CSNK2A2IP: variants seen among roughly 807,000 people sequenced by gnomAD.
CSNK2A2IP encodes casein kinase 2 subunit alpha' interacting protein.
chr3:88,454,107 C>T, the CSNK2A2IP span, among the ~76,000 whole-genome samples: 1 of 151,890 alleles, frequency 6.6e-6, no homozygotes, highest in Non-Finnish European at 1.5e-5. Context: ...TTTGGTCAAC[C>T]TTTTAAATTT....
chr3:88,393,999 C>T, the CSNK2A2IP span, among the ~76,000 whole-genome samples: 3 of 152,062 alleles, frequency 2.0e-5, no homozygotes, highest in Non-Finnish European at 4.4e-5. Context: ...TACATAATTT[C>T]GTGTGGTGTG....
chr3:88,369,512 A>G, the CSNK2A2IP span, among the ~76,000 whole-genome samples: 2 of 152,072 alleles, frequency 1.3e-5, no homozygotes, highest in Admixed American at 6.6e-5. Context: ...GTGGCTTGTT[A>G]TTGCAAAACC....
chr3:88,422,669 C>T, the CSNK2A2IP span, among the ~76,000 whole-genome samples: 1 of 152,262 alleles, frequency 6.6e-6, no homozygotes, highest in South Asian at 2.1e-4. Flanking sequence ...GAAAATTTCT[C>T]AAATAAATAG....
the CSNK2A2IP span, among the ~76,000 whole-genome samples, chr3:88,414,870 T>A: frequency 6.6e-6 from 1 of 151,836 alleles, no homozygotes; most frequent in Non-Finnish European, 1.5e-5. Context: ...GAGCATAGAG[T>A]CTAATGTGGA....
chr3:88,456,829 GC>G, the CSNK2A2IP span, among the ~76,000 whole-genome samples: 1 of 151,760 alleles, frequency 6.6e-6, no homozygotes, highest in African/African-American at 2.4e-5. Flanking sequence ...CTACCTTTAT[GC>G]TAATACTAGA....
the CSNK2A2IP span, among the ~76,000 whole-genome samples, chr3:88,390,218 A>G: frequency 6.6e-6 from 1 of 152,176 alleles, no homozygotes; most frequent in Non-Finnish European, 1.5e-5. Flanking sequence ...ACTTGAATGG[A>G]ATCAAATGAG....
the CSNK2A2IP span, among the ~76,000 whole-genome samples, chr3:88,407,292 C>A: frequency 1.3e-3 from 135 of 102,836 alleles, no homozygotes; most frequent in African/African-American, 1.7e-3. Flanking sequence ...CAGAAAAGTC[C>A]AAAAAAAAAA....
chr3:88,353,703 C>G, the CSNK2A2IP span, among the ~76,000 whole-genome samples: 1 of 152,242 alleles, frequency 6.6e-6, no homozygotes, highest in Non-Finnish European at 1.5e-5. Flanking sequence ...ATTTCAATTA[C>G]ACTCTAATCA....
the CSNK2A2IP span, chr3:88,399,539 T>C: frequency 2.6e-5 from 4 of 152,224 alleles, no homozygotes; most frequent in African/African-American, 9.6e-5. Flanking sequence ...TAAATGTTTA[T>C]TAAGTGCTTA....
the CSNK2A2IP span, among the ~76,000 whole-genome samples, chr3:88,440,725 G>C: frequency 1.4e-4 from 21 of 152,108 alleles, no homozygotes; most frequent in Admixed American, 9.8e-4. Flanking sequence ...GACTTTTGAG[G>C]TGTGTGGTCT....
the CSNK2A2IP span, among the ~76,000 whole-genome samples, chr3:88,353,282 G>A: frequency 6.6e-6 from 1 of 152,150 alleles, no homozygotes; most frequent in Non-Finnish European, 1.5e-5. Context: ...AACTGTGCAA[G>A]TCACAGAGGA....
the CSNK2A2IP span, among the ~76,000 whole-genome samples, chr3:88,410,225 T>C: frequency 6.6e-6 from 1 of 152,066 alleles, no homozygotes; most frequent in African/African-American, 2.4e-5. Context: ...ATAACTTTAA[T>C]CAAATCCCAA....
the CSNK2A2IP span, among the ~76,000 whole-genome samples, chr3:88,405,448 CCTGTAGG>C: frequency 6.6e-6 from 1 of 152,062 alleles, no homozygotes; most frequent in South Asian, 2.1e-4. Flanking sequence ...TGCCTCCTTC[CCTGTAGG>C]ATCACCTCAT....
chr3:88,405,344 A>T, the CSNK2A2IP span, among the ~76,000 whole-genome samples: 4 of 152,166 alleles, frequency 2.6e-5, no homozygotes, highest in Admixed American at 1.3e-4. Flanking sequence ...TGATCTGTGT[A>T]TCAAGAGGTT....
chr3:88,370,433 A>G, the CSNK2A2IP span, among the ~76,000 whole-genome samples: 1 of 151,836 alleles, frequency 6.6e-6, no homozygotes, highest in Non-Finnish European at 1.5e-5. Context: ...GTAAGATCTC[A>G]ATGACTTCTG....
chr3:88,394,808 AGTT>A, the CSNK2A2IP span, among the ~76,000 whole-genome samples: 1 of 152,196 alleles, frequency 6.6e-6, no homozygotes, highest in Non-Finnish European at 1.5e-5. Flanking sequence ...ATTGAGTTGT[AGTT>A]GTTGTTTATA....
chr3:88,448,884 T>C, the CSNK2A2IP span, among the ~76,000 whole-genome samples: 68,009 of 152,116 alleles, frequency 0.45, 15,684 homozygotes, highest in East Asian at 0.64. Flanking sequence ...TATGATACTG[T>C]TTATGATTTT....
At chr3:88,441,280 G>A in the CSNK2A2IP span, among the ~76,000 whole-genome samples, 2 of 152,168 alleles carry the variant, frequency 1.3e-5, no homozygotes, top group African/African-American at 4.8e-5. Context: ...TGGAAGACAA[G>A]TGTGTCTGAA....
chr3:88,391,283 G>GT, the CSNK2A2IP span, among the ~76,000 whole-genome samples: 4 of 152,010 alleles, frequency 2.6e-5, no homozygotes, highest in Non-Finnish European at 5.9e-5. Context: ...ATTATTTTTG[G>GT]TTTTTTTGCA....
Sources: gnomAD v4.1 joint callset for allele counts (sites outside exome capture counted in the v4.1 genomes callset) on GRCh38, gnomAD v4.1.1 for gene constraint, MANE v1.5 for transcripts, NCBI Gene and HGNC (gene_info 2026-07-23, HGNC 2026-07-21) for gene names.